Variants in CEACAM1 observed in about 807,000 individuals in gnomAD.
The protein encoded by CEACAM1 is cell adhesion molecule CEACAM1.
CEACAM1 carries 31 observed loss-of-function variants against 49.1 expected under a neutral mutation model. The observed-to-expected ratio is 0.63, with a 90% confidence interval of 0.47 to 0.85. The LOEUF (loss-of-function observed/expected upper bound fraction) is 0.85, where lower values mean the gene tolerates loss of function less well. CEACAM1 is among the 40% of genes least tolerant of loss of function. The pLI is 0.00. For synonymous variants in CEACAM1, 244 were observed against 247.8 expected (o/e 0.98, Z 0.14); for missense variants, 570 against 645.3 (o/e 0.88, Z 1.26).
intron 1 of CEACAM1, chr19:42,527,709 A>C (rs2041931565): frequency 3.4e-6 from 1 of 294,572 alleles, no homozygotes; most frequent in Non-Finnish European, 6.3e-6. Flanking sequence ...TTTCCCTGAC[A>C]CCTCCCCTAG....
rs1243174548 is a variant in CEACAM1, at chr19:42,507,731, C to T, written c.*1378G>A. 2 of 152,252 alleles carry T rather than the reference C, an allele frequency of 1.3e-5. No homozygotes were observed. The highest frequency in any genetic ancestry group is 4.8e-5 in the African/African-American group (2 of 41,460). 9.4% of individuals were successfully genotyped at this position (152,252 alleles called of 1,614,324 possible). ...AGGCCTAAGTTATAATCCTCCTCCT[C>T]ACAGCCCCATTTCCCCAAGGGGCAT... On this transcript the variant is annotated 3_prime_UTR_variant, in exon 9 of 9. Transcript: ENST00000161559.
chr19:42,509,866 A>G (rs1185652092), intron 8 of CEACAM1, among the ~76,000 whole-genome samples: 2 of 152,096 alleles, frequency 1.3e-5, no homozygotes, highest in East Asian at 3.9e-4. Flanking sequence ...ACTTCTAGTG[A>G]TCCACCTGCC....
intron 5 of CEACAM1, among the ~76,000 whole-genome samples, chr19:42,512,857 G>A (rs536892035): frequency 6.6e-6 from 1 of 151,968 alleles, no homozygotes; most frequent in African/African-American, 2.4e-5. Context: ...TAGTAGAGAC[G>A]GGGTTTCACC....
intron 8 of CEACAM1, among the ~76,000 whole-genome samples, 188 bp downstream of exon 8, chr19:42,510,701 G>C (rs970852340): frequency 2.0e-5 from 3 of 152,182 alleles, no homozygotes; most frequent in Admixed American, 2.0e-4. Flanking sequence ...ACACAGGATG[G>C]GAATAATTCC....
At chr19:42,510,861 T>A (rs886949157) in intron 8 of CEACAM1, 28 bp downstream of exon 8, 1 of 1,592,964 alleles carries the variant, frequency 6.3e-7, no homozygotes, top group Non-Finnish European at 8.6e-7. Flanking sequence ...CATGAGAAAA[T>A]AAGCCCATGA....
intron 2 of CEACAM1, among the ~76,000 whole-genome samples, chr19:42,524,629 A>G (rs2041843360): frequency 6.6e-6 from 1 of 152,166 alleles, no homozygotes. Flanking sequence ...AGGGAACAGG[A>G]CAGTCAACCT....
chr19:42,526,407 C>T (rs999586354), intron 2 of CEACAM1, among the ~76,000 whole-genome samples: 10 of 152,170 alleles, frequency 6.6e-5, no homozygotes, highest in African/African-American at 2.4e-4. Flanking sequence ...GGGCAGTTGG[C>T]TGATGGCCTG....
intron 4 of CEACAM1, chr19:42,520,471 C>G (rs923502317): frequency 2.0e-5 from 3 of 152,364 alleles, no homozygotes; most frequent in African/African-American, 7.2e-5. Flanking sequence ...TCAAGTGATT[C>G]TTGTGCCTCA....
Position 42,512,389 on chromosome 19 carries a change from A to G in CEACAM1, c.1337T>C (p.Val446Ala), listed in dbSNP as rs1281050670. Residue 446 changes from valine (V) to alanine (A), a missense_variant, in exon 6 of 9, where the codon GTA becomes GCA. Coordinates refer to ENST00000161559, the MANE Select transcript of CEACAM1 (RefSeq NM_001712.5). ...GAAATGCAGAAAACATGCCAGGGCT[A>G]CTGCTATCAGAGCAACCAGGGCCAC... ...GVVALVALIA[V>A]ALACFLHFGK... The G allele has an allele frequency of 6.2e-7, 1 of 1,614,158 alleles. No homozygotes were observed.
chr19:42,520,789 T>G, intron 4 of CEACAM1: 1 of 172,316 alleles, frequency 5.8e-6, no homozygotes, highest in Non-Finnish European at 1.3e-5. Flanking sequence ...AAGCCGGGAG[T>G]AGAGCAGGGA....
At position 42,527,367 on chromosome 19, in the gene CEACAM1, G is replaced by A; in HGVS notation, c.98C>T (p.Thr33Ile). 6.2e-7 allele frequency: 1 copy of A among 1,609,140 alleles called. No individual in the cohort carries two copies. Among genetic ancestry groups the A allele is most frequent in the Admixed American group, 1.7e-5 (1 of 59,760 alleles). Residue 33 changes from threonine to isoleucine, a missense_variant, in exon 2 of 9, where the codon ACT (threonine) becomes ATT (isoleucine). Thr to Ile is a moderately conservative substitution (Grantham distance 89). Coordinates refer to ENST00000161559, the MANE Select transcript of CEACAM1 (RefSeq NM_001712.5). ...CATGGATTCAGTAGTGAGCTGGGCA[G>A]TGGTGGGCGGGTTCCAGAAGGTTAG... ...SLLTFWNPPT[T>I]AQLTTESMPF...
At chr19:42,525,456 G>C (rs1201358662) in intron 2 of CEACAM1, among the ~76,000 whole-genome samples, 1 of 151,994 alleles carries the variant, frequency 6.6e-6, no homozygotes, top group African/African-American at 2.4e-5. Flanking sequence ...TTGAACTCCT[G>C]ACCTCAAGTG....
rs543025311 is a variant in CEACAM1, at chr19:42,522,215, CAGAG to C, written c.425-17_425-14del. The C allele has an allele frequency of 9.3e-6, 15 of 1,614,210 alleles. No homozygotes were observed. The Admixed American group carries it at 1.0e-4, about 11-fold the overall frequency. ...TTGGGCAGCTCCGCTATGCAGAAAA[CAGAG>C]AGAAGATTGCCCTGTGTGGCACCTT... On this transcript the variant is annotated splice_polypyrimidine_tract_variant and intron_variant, in intron 2 of 8. Transcript: ENST00000161559.
intron 4 of CEACAM1, 46 bp downstream of exon 4, chr19:42,521,221 A>G: frequency 6.3e-7 from 1 of 1,594,868 alleles, no homozygotes; most frequent in Non-Finnish European, 8.6e-7. Flanking sequence ...AAAACCAGAA[A>G]GCTTGTACCC....
intron 8 of CEACAM1, among the ~76,000 whole-genome samples, chr19:42,509,788 G>T (rs553309088): frequency 6.6e-6 from 1 of 152,038 alleles, no homozygotes; most frequent in Non-Finnish European, 1.5e-5. Flanking sequence ...TACCACGCCC[G>T]GCTAATTTTT....
intron 2 of CEACAM1, among the ~76,000 whole-genome samples, chr19:42,522,760 T>A (rs2041789948): frequency 6.6e-6 from 1 of 151,834 alleles, no homozygotes; most frequent in African/African-American, 2.4e-5. Context: ...TGGTCACTGT[T>A]AGCCAGGATG....
intron 5 of CEACAM1, among the ~76,000 whole-genome samples, chr19:42,515,997 A>G (rs557346418): frequency 3.8e-4 from 58 of 152,338 alleles, no homozygotes; most frequent in Admixed American, 9.1e-4. Flanking sequence ...TTCATGCTAA[A>G]AAACACTGAA....
intron 5 of CEACAM1, chr19:42,515,086 T>C: frequency 1.5e-6 from 1 of 661,974 alleles, no homozygotes; most frequent in Non-Finnish European, 2.8e-6. Context: ...CTGGGTAACA[T>C]GGTGAGATTC....
chr19:42,522,309 C>T, intron 2 of CEACAM1, 107 bp from the exon 3 acceptor site: 1 of 1,522,562 alleles, frequency 6.6e-7, no homozygotes, highest in Non-Finnish European at 8.8e-7. Flanking sequence ...GAGCCTCGCT[C>T]TGTCACCCAG....
Sources: allele counts gnomAD v4.1 joint callset (sites outside exome capture counted in the v4.1 genomes callset), GRCh38; gene constraint gnomAD v4.1.1; transcripts MANE v1.5; gene names NCBI Gene and HGNC (gene_info 2026-07-23, HGNC 2026-07-21).